CNMD: variants seen among roughly 807,000 people sequenced by gnomAD.
CNMD encodes leukocyte cell-derived chemotaxin 1.
In CNMD, 30 loss-of-function variants were observed where a neutral mutation model predicts 37.5. The observed-to-expected ratio is 0.80, with a 90% CI of 0.60 to 1.09. CNMD has a LOEUF of 1.09. Among genes scored for constraint, CNMD ranks in the 50% least tolerant of loss-of-function variants. CNMD has a pLI of 0.00. For missense variants in CNMD, 398 were observed against 423.9 expected (o/e 0.94, Z 0.54); for synonymous variants, 167 against 148.2 (o/e 1.13, Z -0.92).
chr13:52,712,955 G>T (rs1964315383), intron 4 of CNMD, 86 bp from the exon 5 acceptor site: 1 of 1,114,318 alleles, frequency 9.0e-7, no homozygotes, highest in Non-Finnish European at 1.2e-6. Context: ...AGGTTATTTT[G>T]CCTTATAAAA....
At position 52,739,021 on chromosome 13, in the gene CNMD, C is replaced by A. The variant is rs374063330; in HGVS notation, c.213+10G>T. The A allele has an allele frequency of 2.0e-5, 31 of 1,568,778 alleles. No homozygotes were observed. The Middle Eastern group carries it at 5.3e-4, about 27-fold the overall frequency. ...CACGGGGGTCCCCGCGCGCCGCCCT[C>A]TGGACTTACGTGACTGTCGCTCCCC... is the stretch of plus-strand genomic sequence containing the variant. On this transcript the variant is annotated intron_variant, in intron 2 of 6. Transcript: ENST00000377962. This position sits in a 1 kb window ranked among gnomAD's most constrained non-coding sequence, Gnocchi z 5.4.
intron 2 of CNMD, among the ~76,000 whole-genome samples, chr13:52,735,946 C>T (rs1412923301): frequency 6.6e-6 from 1 of 151,650 alleles, no homozygotes; most frequent in African/African-American, 2.4e-5. Context: ...TCTCCTGCCT[C>T]AGCCTCCCAG....
intron 3 of CNMD, among the ~76,000 whole-genome samples, chr13:52,730,353 G>C (rs1053513618): frequency 6.6e-6 from 1 of 152,076 alleles, no homozygotes; most frequent in Non-Finnish European, 1.5e-5. Flanking sequence ...TGGGATGGCT[G>C]GGTCAAATGG....
rs530862766 is a variant in CNMD, at chr13:52,739,810, C to G, written c.-109G>C. 27 of 932,742 alleles carry G rather than the reference C, an allele frequency of 2.9e-5. No homozygotes were observed. The highest frequency in any genetic ancestry group is 4.2e-5 in the Non-Finnish European group (25 of 590,552). The allele number at this position is 932,742 out of a possible 1,614,324, so 57.8% of individuals were successfully genotyped here. ...CAACGCCGCGCGCACACACGGTGCA[C>G]GGTCCCGCCTGGGCCAGCCCAGCGG... On this transcript the variant is annotated 5_prime_UTR_variant, in exon 1 of 7. Coordinates refer to ENST00000377962, the MANE Select transcript of CNMD (RefSeq NM_007015.3). This position sits in a 1 kb window ranked among gnomAD's most constrained non-coding sequence, Gnocchi z 5.4.
rs1216940552 is a variant in CNMD, at chr13:52,708,665, A to G, written c.660T>C (p.Ile220=). The G allele has an allele frequency of 7.4e-6, 12 of 1,611,292 alleles. No homozygotes were observed. Among genetic ancestry groups the G allele is most frequent in the South Asian group, 2.2e-5 (2 of 90,018 alleles). Residue 220 remains isoleucine, a synonymous_variant, in exon 6 of 7, where the codon ATT becomes ATC. Coordinates refer to ENST00000377962, the MANE Select transcript of CNMD (RefSeq NM_007015.3). ...QRERREVVRK[I]VPTTTKRPHS... ...GTGGTCTTTTTGTGGTAGTTGGAAC[A>G]ATTTTTCTTACCACTTCTCTTCTTT...
intron 5 of CNMD, among the ~76,000 whole-genome samples, 177 bp from the exon 6 acceptor site, chr13:52,708,879 TA>T (rs142888756): frequency 0.036 from 5,449 of 152,286 alleles, 130 homozygotes; most frequent in South Asian, 0.064. Context: ...CTTGGGCTAA[TA>T]GTTAAACATA....
intron 2 of CNMD, among the ~76,000 whole-genome samples, chr13:52,737,803 A>G (rs1424316340): frequency 6.6e-6 from 1 of 152,244 alleles, no homozygotes; most frequent in Admixed American, 6.5e-5. Context: ...TGTTTCAAAC[A>G]TGAGCATCTG....
chr13:52,715,676 A>G (rs1433203059), intron 4 of CNMD, among the ~76,000 whole-genome samples: 1 of 152,222 alleles, frequency 6.6e-6, no homozygotes, highest in Non-Finnish European at 1.5e-5. Context: ...TGCAAAGGAC[A>G]TGAACTCATC....
intron 3 of CNMD, among the ~76,000 whole-genome samples, chr13:52,725,599 T>C (rs9536260): frequency 0.038 from 5,835 of 152,278 alleles, 137 homozygotes; most frequent in South Asian, 0.065. Context: ...CCAAGAATGT[T>C]TACTCTCCTC....
intron 3 of CNMD, among the ~76,000 whole-genome samples, chr13:52,724,666 G>A (rs1042998451): frequency 2.0e-5 from 3 of 152,160 alleles, no homozygotes; most frequent in Non-Finnish European, 4.4e-5. Context: ...GGAGGCCGAC[G>A]CGGGCAGATC....
intron 3 of CNMD, among the ~76,000 whole-genome samples, chr13:52,728,582 T>C (rs1368355387): frequency 1.3e-5 from 2 of 152,174 alleles, no homozygotes; most frequent in South Asian, 2.1e-4. Flanking sequence ...GCTGCTCTTA[T>C]TTGGCATGTA....
chr13:52,710,741 G>A (rs1964278167), intron 5 of CNMD, among the ~76,000 whole-genome samples: 1 of 152,104 alleles, frequency 6.6e-6, no homozygotes, highest in South Asian at 2.1e-4. Flanking sequence ...CTAATCTGGG[G>A]GCATTGAGGT....
chr13:52,705,127 T>C (rs1420699837), intron 6 of CNMD, among the ~76,000 whole-genome samples: 1 of 152,100 alleles, frequency 6.6e-6, no homozygotes, highest in East Asian at 1.9e-4. Flanking sequence ...AATAGACTCA[T>C]CTAGATTGGA....
intron 3 of CNMD, among the ~76,000 whole-genome samples, chr13:52,728,169 C>T (rs1187109059): frequency 3.3e-5 from 5 of 152,140 alleles, no homozygotes; most frequent in African/African-American, 7.2e-5. Context: ...AGGAGGATCA[C>T]GAGGTCAAGA....
Position 52,724,068 on chromosome 13 carries a change from T to C in CNMD, c.397A>G (p.Ile133Val), listed in dbSNP as rs1964529375. 1 of 1,614,136 alleles carries C rather than the reference T, an allele frequency of 6.2e-7. No homozygotes were observed. ...IRFAGGEKCYIKAQVKARIPE... is the reference protein window; with the variant it reads ...IRFAGGEKCYVKAQVKARIPE... ...ATACGAGCCTTCACTTGCGCTTTAATGTAGCACTTCTCTCCTCCAGCAAAA... is the reference window on the plus strand; with the variant it reads ...ATACGAGCCTTCACTTGCGCTTTAACGTAGCACTTCTCTCCTCCAGCAAAA... The change falls in exon 4 of 7, where the codon ATT becomes GTT. Residue 133 changes from isoleucine to valine, a missense_variant. By Grantham distance (29) the Ile-to-Val change is conservative. Transcript: ENST00000377962.
In CNMD at chr13:52,703,739, C is replaced by T. The variant is rs934823371; in HGVS notation, c.861G>A (p.Arg287=). 19 of 1,614,016 alleles carry T rather than the reference C, an allele frequency of 1.2e-5. No individual in the cohort carries two copies. Among genetic ancestry groups the T allele is most frequent in the Non-Finnish European group, 1.5e-5 (18 of 1,179,992 alleles). Residue 287 remains arginine, a synonymous_variant, in exon 7 of 7, where the codon AGG becomes AGA. Coordinates refer to ENST00000377962, the MANE Select transcript of CNMD (RefSeq NM_007015.3). ...DHEGICCIEC[R]RSYTHCQKIC... ...TCTTCTGGCAGTGGGTGTAGCTCCG[C>T]CTACATTCTATACAACAGATTCCTT...
intron 3 of CNMD, among the ~76,000 whole-genome samples, chr13:52,724,803 C>T (rs971697564): frequency 2.6e-5 from 4 of 151,398 alleles, no homozygotes; most frequent in African/African-American, 4.9e-5. Context: ...AGGCTGAGGC[C>T]GGAGAATCGC....
At chr13:52,712,924 T>G in intron 4 of CNMD, 55 bp from the exon 5 acceptor site, 1 of 1,368,258 alleles carries the variant, frequency 7.3e-7, no homozygotes, top group Non-Finnish European at 9.7e-7. Context: ...CAAATTGTAT[T>G]AAGAGTCATG....
chr13:52,727,920 ATGTAT>A (rs751789300), intron 3 of CNMD, among the ~76,000 whole-genome samples: 45 of 152,168 alleles, frequency 3.0e-4, no homozygotes, highest in Non-Finnish European at 5.9e-4. Flanking sequence ...GTTAGCAACA[ATGTAT>A]TGTATGTTTC....
Sources: gnomAD v4.1 joint callset for allele counts (sites outside exome capture counted in the v4.1 genomes callset) on GRCh38, gnomAD v4.1.1 for gene constraint, Gnocchi (gnomAD v3.1) non-coding constraint, MANE v1.5 for transcripts, NCBI Gene and HGNC (gene_info 2026-07-23, HGNC 2026-07-21) for gene names.